The following DOCK1 variants were observed in gnomAD, a reference collection of about 807,000 sequenced individuals.
DOCK1 encodes the protein dedicator of cytokinesis protein 1.
Under a neutral mutation model 262.7 loss-of-function variants are expected in DOCK1, and 138 were observed. The ratio of observed to expected loss-of-function variants is 0.53; its 90% CI spans 0.46 to 0.61. The LOEUF (loss-of-function observed/expected upper bound fraction) is 0.61, where lower values mean the gene tolerates loss of function less well. Ranked by LOEUF, DOCK1 falls within the 20% of genes least tolerant of loss-of-function variation. The pLI, the probability that DOCK1 is intolerant of heterozygous loss-of-function variation, is 0.00. For missense variants in DOCK1, 1,908 were observed against 2,370.7 expected, an observed-to-expected ratio of 0.80 and a Z score of 4.05; for synonymous variants, 866 against 867.4, an observed-to-expected ratio of 1.00 and a Z score of 0.03.
rs572811960 is a variant in DOCK1 at position 127,238,360 on chromosome 10, T to C, written c.2848-9648T>C. ...ATTAGGAAGAATCTATAGGGTGTTGTTTTCAGATTGAGTGAGTGTCTTCGT... is the reference window on the plus strand; with the variant it reads ...ATTAGGAAGAATCTATAGGGTGTTGCTTTCAGATTGAGTGAGTGTCTTCGT... On this transcript the variant is annotated intron_variant, in intron 27 of 51. Coordinates refer to ENST00000623213, the MANE Select transcript of DOCK1 (RefSeq NM_001290223.2). 7.2e-5 allele frequency among the ~76,000 whole-genome samples: 11 copies of C among 152,262 alleles called. 1 individual carries two copies. Among genetic ancestry groups the C allele is most frequent in the African/African-American group, 2.6e-4 (11 of 41,554 alleles).
chr10:127,254,546 G>A (rs746383845), intron 28 of DOCK1, among the ~76,000 whole-genome samples: 3 of 152,184 alleles, frequency 2.0e-5, no homozygotes, highest in Non-Finnish European at 4.4e-5. Context: ...TCACCACTGG[G>A]TTCAAAGCTG....
chr10:127,196,650 C>A lies in DOCK1; in HGVS notation c.2848-51358C>A, dbSNP rs374553988. 9.1e-3 allele frequency among the ~76,000 whole-genome samples: 1,036 copies of A among 113,974 alleles called. 8 individuals are homozygous for A. The highest frequency in any genetic ancestry group is 0.021 in the African/African-American group (614 of 29,626). 74.8% of individuals were successfully genotyped at this position (113,974 alleles called of 152,430 possible). ...CGCGGGGCCGGGCCGGGCCGGGCCG[C>A]GTGCGTGGGGTGGGGGATAGGGAGG... On this transcript the variant is annotated intron_variant, in intron 27 of 51. Transcript: ENST00000623213.
intron 33 of DOCK1, among the ~76,000 whole-genome samples, chr10:127,364,432 T>C (rs999518971): frequency 1.6e-4 from 24 of 152,334 alleles, no homozygotes; most frequent in African/African-American, 5.8e-4. Flanking sequence ...AGTGACGCGA[T>C]CTCAGCTCAC....
chr10:127,227,147 C>T (rs1003467544), intron 27 of DOCK1, among the ~76,000 whole-genome samples: 4 of 152,180 alleles, frequency 2.6e-5, no homozygotes, highest in Non-Finnish European at 4.4e-5. Context: ...CACAGCTGAC[C>T]TGGGATTGAC....
intron 27 of DOCK1, among the ~76,000 whole-genome samples, chr10:127,142,810 G>C (rs534648262): frequency 1.3e-5 from 2 of 152,306 alleles, no homozygotes; most frequent in African/African-American, 4.8e-5. Flanking sequence ...TGTGATGCAT[G>C]ATTAAAGCAA....
At chr10:126,981,620 G>C (rs1442382156) in intron 3 of DOCK1, among the ~76,000 whole-genome samples, 3 of 152,200 alleles carry the variant, frequency 2.0e-5, no homozygotes, top group African/African-American at 7.2e-5. Context: ...TGTTCTGCCT[G>C]CATTGAGGCC....
intron 23 of DOCK1, among the ~76,000 whole-genome samples, chr10:127,074,181 G>C (rs551366930): frequency 7.8e-4 from 119 of 152,286 alleles, no homozygotes; most frequent in African/African-American, 2.7e-3. Flanking sequence ...AATTACTTTT[G>C]TGTATGTATT....
At chr10:127,217,155 C>T (rs150359916) in intron 27 of DOCK1, among the ~76,000 whole-genome samples, 23 of 152,216 alleles carry the variant, frequency 1.5e-4, no homozygotes, top group Non-Finnish European at 2.9e-4. Flanking sequence ...AGAGCTAGAA[C>T]CAGTGTCTGT....
At chr10:127,059,968 A>T (rs2135808408) in intron 22 of DOCK1, among the ~76,000 whole-genome samples, 1 of 152,266 alleles carries the variant, frequency 6.6e-6, no homozygotes, top group South Asian at 2.1e-4. Flanking sequence ...TGACCATCTT[A>T]TTTTAATCAG....
At chr10:127,409,272 T>A in intron 41 of DOCK1, 41 bp from the exon 42 acceptor site, 1 of 1,613,370 alleles carries the variant, frequency 6.2e-7, no homozygotes, top group Non-Finnish European at 8.5e-7. Context: ...TCATGGTTGA[T>A]GTCTATGCTG....
intron 27 of DOCK1, among the ~76,000 whole-genome samples, chr10:127,160,108 A>T: frequency 6.6e-6 from 1 of 151,358 alleles, no homozygotes; most frequent in South Asian, 2.1e-4. Context: ...ATAACAAAAC[A>T]TGAATTGTTT....
intron 29 of DOCK1, among the ~76,000 whole-genome samples, chr10:127,315,271 A>G (rs2062226840): frequency 6.6e-6 from 1 of 152,168 alleles, no homozygotes; most frequent in African/African-American, 2.4e-5. Context: ...TAAAAATCCA[A>G]AATTCATGTT....
chr10:127,057,293 TG>T (rs1253356707), intron 22 of DOCK1, among the ~76,000 whole-genome samples: 1 of 152,212 alleles, frequency 6.6e-6, no homozygotes, highest in African/African-American at 2.4e-5. Flanking sequence ...TTTTTGCAGC[TG>T]GGATAAACTT....
intron 1 of DOCK1, among the ~76,000 whole-genome samples, chr10:126,947,127 C>G (rs1477153064): frequency 6.6e-6 from 1 of 152,182 alleles, no homozygotes; most frequent in African/African-American, 2.4e-5. Flanking sequence ...TTGCTGTTAG[C>G]CCTATTTCAT....
intron 29 of DOCK1, among the ~76,000 whole-genome samples, chr10:127,268,665 C>T (rs2060460347): frequency 6.6e-6 from 1 of 152,156 alleles, no homozygotes; most frequent in South Asian, 2.1e-4. Context: ...CAGCTAGCTG[C>T]TGAAGATAGG....
At chr10:127,145,323 C>T (rs1306544245) in intron 27 of DOCK1, among the ~76,000 whole-genome samples, 1 of 152,196 alleles carries the variant, frequency 6.6e-6, no homozygotes, top group Non-Finnish European at 1.5e-5. Flanking sequence ...CCATGACTAA[C>T]AGCACCGCCA....
intron 1 of DOCK1, among the ~76,000 whole-genome samples, chr10:126,966,675 C>A (rs996142916): frequency 6.6e-6 from 1 of 152,050 alleles, no homozygotes; most frequent in East Asian, 1.9e-4. Flanking sequence ...CAGAGGTGAT[C>A]GCAATACCTT....
intron 22 of DOCK1, among the ~76,000 whole-genome samples, chr10:127,057,515 C>T (rs911119045): frequency 6.6e-6 from 1 of 152,182 alleles, no homozygotes; most frequent in African/African-American, 2.4e-5. Flanking sequence ...GTTTAGAAAG[C>T]TCATTTTGTT....
At chr10:126,920,766 T>C (rs2033104775) in intron 1 of DOCK1, among the ~76,000 whole-genome samples, 1 of 152,220 alleles carries the variant, frequency 6.6e-6, no homozygotes, top group Non-Finnish European at 1.5e-5. Flanking sequence ...GTGATTCTTC[T>C]CTTAGGTGTG....
Sources: gnomAD v4.1 joint callset for allele counts (sites outside exome capture counted in the v4.1 genomes callset) on GRCh38, gnomAD v4.1.1 for gene constraint, MANE v1.5 for transcripts, NCBI Gene and HGNC (gene_info 2026-07-23, HGNC 2026-07-21) for gene names.